Variants in ST3GAL3 observed in about 807,000 individuals in gnomAD.
ST3GAL3 encodes CMP-N-acetylneuraminate-beta-1,4-galactoside alpha-2,3-sialyltransferase.
In ST3GAL3, 21 loss-of-function variants were observed where a neutral mutation model predicts 50.1. The ratio of observed to expected loss-of-function variants is 0.42; its 90% CI spans 0.30 to 0.60. The LOEUF (loss-of-function observed/expected upper bound fraction) is 0.60, where lower values mean the gene tolerates loss of function less well. ST3GAL3 is among the 20% of genes least tolerant of loss of function. The pLI is 0.19. For synonymous variants in ST3GAL3, 183 were observed against 190.0 expected (o/e 0.96, Z 0.30); for missense variants, 353 against 489.4 (o/e 0.72, Z 2.63).
chr1:43,908,941 C>T (rs1175890646), intron 9 of ST3GAL3, among the ~76,000 whole-genome samples: 2 of 152,180 alleles, frequency 1.3e-5, no homozygotes, highest in East Asian at 3.9e-4. Flanking sequence ...CCTTGCCACT[C>T]TTTAGCACCC....
chr1:43,725,781 G>T (rs1672663731), intron 1 of ST3GAL3, among the ~76,000 whole-genome samples: 2 of 151,864 alleles, frequency 1.3e-5, no homozygotes, highest in South Asian at 4.2e-4. Context: ...TGAGTTGCTG[G>T]GACTACAGGC....
chr1:43,857,549 T>C (rs12745833), intron 5 of ST3GAL3, among the ~76,000 whole-genome samples: 15 of 111,990 alleles, frequency 1.3e-4, no homozygotes, highest in Non-Finnish European at 2.2e-4. Flanking sequence ...CTCCCTCCCT[T>C]CCTTCCTTTC....
intron 5 of ST3GAL3, among the ~76,000 whole-genome samples, chr1:43,867,587 G>T (rs1364573843): frequency 7.0e-6 from 1 of 143,742 alleles, no homozygotes; most frequent in Non-Finnish European, 1.5e-5. Context: ...TGTGGGGAAG[G>T]TGTGTTAACT....
At chr1:43,736,435 T>C (rs1173427925) in intron 2 of ST3GAL3, 55 bp downstream of exon 2, 2 of 1,613,940 alleles carry the variant, frequency 1.2e-6, no homozygotes, top group Admixed American at 3.3e-5. Flanking sequence ...GGTCAGTTAC[T>C]GGTTTTTCGT....
chr1:43,794,352 C>A (rs1481718062), intron 3 of ST3GAL3, among the ~76,000 whole-genome samples: 1 of 152,146 alleles, frequency 6.6e-6, no homozygotes, highest in Non-Finnish European at 1.5e-5. Flanking sequence ...AAATTAGAAT[C>A]CCAATGAGAT....
intron 1 of ST3GAL3, among the ~76,000 whole-genome samples, chr1:43,728,207 CT>C (rs1485832395): frequency 6.6e-6 from 1 of 152,202 alleles, no homozygotes; most frequent in African/African-American, 2.4e-5. Context: ...TGAATTCATT[CT>C]TTTTTTATGG....
intron 1 of ST3GAL3, among the ~76,000 whole-genome samples, chr1:43,724,544 G>A (rs554498272): frequency 2.6e-5 from 4 of 152,094 alleles, no homozygotes; most frequent in Non-Finnish European, 5.9e-5. Context: ...CTATATTTGA[G>A]GCACTATGCT....
rs568734337 is a variant in ST3GAL3, at chr1:43,741,621, C to T, written c.118+5241C>T. Reference sequence around the variant, plus strand: ...GTCTTAAAAATGAAGAGGAGGCTGGCATTTCTGGCCATGTTTCTGGCCTCT... The same window carrying T: ...GTCTTAAAAATGAAGAGGAGGCTGGTATTTCTGGCCATGTTTCTGGCCTCT... On this transcript the variant is annotated intron_variant, in intron 2 of 11. Coordinates refer to ENST00000347631, the MANE Select transcript of ST3GAL3 (RefSeq NM_006279.5). 3.3e-5 allele frequency among the ~76,000 whole-genome samples: 5 copies of T among 152,256 alleles called. No individual in the cohort carries two copies. The South Asian group carries it at 8.3e-4, about 25-fold the overall frequency.
At chr1:43,805,056 A>G (rs1190565930) in intron 3 of ST3GAL3, among the ~76,000 whole-genome samples, 1 of 152,224 alleles carries the variant, frequency 6.6e-6, no homozygotes, top group Non-Finnish European at 1.5e-5. Context: ...GAGAACCCAA[A>G]TACATGTAAG....
intron 2 of ST3GAL3, among the ~76,000 whole-genome samples, chr1:43,777,092 G>C (rs1572653921): frequency 6.6e-6 from 1 of 152,234 alleles, no homozygotes; most frequent in African/African-American, 2.4e-5. Flanking sequence ...TGCTATCAGA[G>C]AGATTCATAT....
intron 2 of ST3GAL3, among the ~76,000 whole-genome samples, chr1:43,742,892 G>A (rs1194162705): frequency 3.3e-5 from 5 of 152,138 alleles, no homozygotes; most frequent in Non-Finnish European, 7.3e-5. Context: ...CAGAAAGAAA[G>A]ATCGAGACCA....
intron 1 of ST3GAL3, among the ~76,000 whole-genome samples, chr1:43,729,414 C>A (rs917274115): frequency 1.3e-5 from 2 of 152,130 alleles, no homozygotes; most frequent in Non-Finnish European, 2.9e-5. Context: ...CACTGAATAC[C>A]TCCAATTTCA....
intron 2 of ST3GAL3, among the ~76,000 whole-genome samples, chr1:43,771,117 C>T (rs768105946): frequency 2.0e-5 from 3 of 152,198 alleles, no homozygotes; most frequent in Non-Finnish European, 2.9e-5. Context: ...TCAGTTATCC[C>T]CTTCTTTTGA....
chr1:43,711,699 G>A (rs1410501996), intron 1 of ST3GAL3, among the ~76,000 whole-genome samples: 3 of 152,190 alleles, frequency 2.0e-5, no homozygotes, highest in African/African-American at 7.2e-5. Context: ...GTTGATACAA[G>A]GGCAATCTGT....
chr1:43,845,769 G>T (rs1277028343), intron 5 of ST3GAL3, among the ~76,000 whole-genome samples: 1 of 151,296 alleles, frequency 6.6e-6, no homozygotes, highest in African/African-American at 2.4e-5. Context: ...TATAAACATT[G>T]TAATGGTATA....
chr1:43,841,078 G>T (rs1052189131), intron 5 of ST3GAL3: 1 of 152,264 alleles, frequency 6.6e-6, no homozygotes, highest in Non-Finnish European at 1.5e-5. Context: ...CAAGAAGTGG[G>T]CCCCCAAGAT....
At chr1:43,796,880 A>G (rs777674279) in intron 3 of ST3GAL3, among the ~76,000 whole-genome samples, 5 of 152,260 alleles carry the variant, frequency 3.3e-5, no homozygotes, top group Non-Finnish European at 5.9e-5. Context: ...GAAAACTAGA[A>G]AATCTTTGCA....
In ST3GAL3 at chr1:43,730,571, C is replaced by CT. The variant is rs11318191; in HGVS notation, c.-30-5644dup. 4.9e-3 allele frequency among the ~76,000 whole-genome samples: 599 copies of CT among 122,368 alleles called. 4 individuals carry two copies. Among genetic ancestry groups the CT allele is most frequent in the South Asian group, 0.013 (49 of 3,880 alleles). 80.3% of individuals were successfully genotyped at this position (122,368 alleles called of 152,430 possible). On this transcript the variant is annotated intron_variant, in intron 1 of 11. Coordinates refer to ENST00000347631, the MANE Select transcript of ST3GAL3 (RefSeq NM_006279.5). ...TTTTTTTCTTTCTTTTCTTTTCTTT[C>CT]TTTTTTTTTTTTTTTTTTAGACAGA...
chr1:43,879,048 T>C (rs1329087437), intron 5 of ST3GAL3: 1 of 455,912 alleles, frequency 2.2e-6, no homozygotes, highest in Non-Finnish European at 4.4e-6. Context: ...GAAGATGACA[T>C]GTTAGAGAAT....
Sources: gnomAD v4.1 joint callset for allele counts (sites outside exome capture counted in the v4.1 genomes callset) on GRCh38, gnomAD v4.1.1 for gene constraint, MANE v1.5 for transcripts, NCBI Gene and HGNC (gene_info 2026-07-23, HGNC 2026-07-21) for gene names.